Variants in CNKSR1 observed in about 807,000 individuals in gnomAD.
The protein encoded by CNKSR1 is connector enhancer of kinase suppressor of Ras 1, also known as CNK homolog protein 1.
Under a neutral mutation model 95.6 loss-of-function variants are expected in CNKSR1, and 88 were observed. The observed-to-expected ratio is 0.92, with a 90% CI of 0.78 to 1.10. The LOEUF (loss-of-function observed/expected upper bound fraction) is 1.10, where lower values mean the gene tolerates loss of function less well. Ranked by LOEUF, CNKSR1 falls within the 50% of genes least tolerant of loss-of-function variation. The pLI is 0.00. For synonymous variants in CNKSR1, 355 were observed against 369.7 expected, an observed-to-expected ratio of 0.96 and a Z score of 0.46; for missense variants, 836 against 912.0, an observed-to-expected ratio of 0.92 and a Z score of 1.07.
Position 26,180,596 on chromosome 1 carries a change from C to A in CNKSR1, c.196C>A (p.Gln66Lys). 1 of 1,614,216 alleles carries A rather than the reference C, an allele frequency of 6.2e-7. No individual in the cohort carries two copies. Among genetic ancestry groups the A allele is most frequent in the Non-Finnish European group, 8.5e-7 (1 of 1,180,042 alleles). ...GGAGCTCATCCTGGGCGGGGTGGAA[C>A]AGCTCCAGGCCCTGGTGAGTGAATG... ...HQELILGGVEQLQALSSRLQT... is the reference protein window; with the variant it reads ...HQELILGGVEKLQALSSRLQT... The change falls in exon 2 of 21, where the codon CAG (glutamine) becomes AAG (lysine). Residue 66 changes from glutamine (Q) to lysine (K), a missense_variant. Coordinates refer to ENST00000361530, the MANE Select transcript of CNKSR1 (RefSeq NM_006314.3).
Position 26,184,569 on chromosome 1 carries a change from T to G in CNKSR1, c.1108-16T>G, listed in dbSNP as rs1220445543. The G allele has an allele frequency of 6.2e-7, 1 of 1,608,112 alleles. No individual in the cohort carries two copies. The highest frequency in any genetic ancestry group is 2.2e-5 in the East Asian group (1 of 44,760). ...TGGACCTAGATCCTTCTCTCACCCT[T>G]CTGCTGTCCTTTCAGAGTCCTGTTG... On this transcript the variant is annotated splice_polypyrimidine_tract_variant and intron_variant, in intron 12 of 20. Coordinates refer to ENST00000361530, the MANE Select transcript of CNKSR1 (RefSeq NM_006314.3).
At chr1:26,182,221 G>T in intron 4 of CNKSR1, 140 bp from the exon 5 acceptor site, 1 of 875,572 alleles carries the variant, frequency 1.1e-6, no homozygotes, top group East Asian at 2.5e-5. Context: ...AAAACGCTGA[G>T]GCCCTGTGGT....
chr1:26,189,376 T>C lies in CNKSR1; in HGVS notation c.1970T>C (p.Leu657Pro), dbSNP rs780898829. The change falls in exon 21 of 21, where the codon CTG (leucine) becomes CCG (proline). Residue 657 changes from leucine to proline, a missense_variant. Leu to Pro is a moderately conservative substitution (Grantham distance 98). Transcript: ENST00000361530. Reference sequence around the variant, plus strand: ...CAGTGGAAGGAGCAGAACCGGGAGCTGTACTCAGAGGGCCTGGGGGCCTGG... The same window carrying C: ...CAGTGGAAGGAGCAGAACCGGGAGCCGTACTCAGAGGGCCTGGGGGCCTGG... ...FRQWKEQNRE[L>P]YSEGLGAWGV... 1.2e-6 allele frequency: 2 copies of C among 1,613,858 alleles called. No individual in the cohort carries two copies. The highest frequency in any genetic ancestry group is 2.2e-5 in the South Asian group (2 of 91,078).
At chr1:26,187,766 G>T (rs2124516243) in intron 16 of CNKSR1, among the ~76,000 whole-genome samples, 1 of 151,494 alleles carries the variant, frequency 6.6e-6, no homozygotes, top group African/African-American at 2.4e-5. Flanking sequence ...GAGACTACAG[G>T]TGCCTACCAC....
chr1:26,187,566 A>G, intron 16 of CNKSR1, 84 bp downstream of exon 16: 1 of 1,332,448 alleles, frequency 7.5e-7, no homozygotes, highest in South Asian at 1.2e-5. Context: ...GAGCCTGGAG[A>G]TACAAATTCC....
At position 26,188,702 on chromosome 1, in the gene CNKSR1, TG is replaced by T; in HGVS notation, c.1690+8del. The T allele has an allele frequency of 1.2e-6, 2 of 1,613,278 alleles. No homozygotes were observed. Among genetic ancestry groups the T allele is most frequent in the Non-Finnish European group, 1.7e-6 (2 of 1,179,544 alleles). ...CCTCCTTTGGCTCTCTGACAGGTGC[TG>T]GGCTGGAGTTGGGAGCTGGGCTGGG... is the stretch of plus-strand genomic sequence containing the variant. On this transcript the variant is annotated splice_donor_region_variant and intron_variant, in intron 19 of 20. Transcript: ENST00000361530.
At chr1:26,180,263 A>G in intron 1 of CNKSR1, 190 bp from the exon 2 acceptor site, 1 of 674,106 alleles carries the variant, frequency 1.5e-6, no homozygotes. Context: ...GCCACTTTTA[A>G]GAACCCATGT....
chr1:26,188,569 A>G, intron 18 of CNKSR1, 29 bp from the exon 19 acceptor site: 1 of 1,612,276 alleles, frequency 6.2e-7, no homozygotes, highest in African/African-American at 1.3e-5. Flanking sequence ...TCAGACAGAA[A>G]CCCTCTGTGC....
intron 20 of CNKSR1, 31 bp downstream of exon 20, chr1:26,188,984 G>C: frequency 6.2e-7 from 1 of 1,609,500 alleles, no homozygotes; most frequent in Non-Finnish European, 8.5e-7. Flanking sequence ...CACAGCAAGG[G>C]ACTAGGCTCT....
chr1:26,181,006 G>A (rs1471881974), intron 3 of CNKSR1, 110 bp downstream of exon 3: 54 of 1,390,228 alleles, frequency 3.9e-5, no homozygotes, highest in Middle Eastern at 1.9e-4. Context: ...TGAGCCAGGC[G>A]TGGTGGCTTA....
rs774989705 is a variant in CNKSR1 at position 26,181,950 on chromosome 1, A to C, written c.477+9A>C. On this transcript the variant is annotated intron_variant, in intron 4 of 20. Transcript: ENST00000361530. ...GCCAGGTCTTGCATGAGGTAGGAGA[A>C]CCAAGGGCCAGGCTTGGCCCATGCC... is the stretch of plus-strand genomic sequence containing the variant. 6.2e-7 allele frequency: 1 copy of C among 1,613,528 alleles called. No individual in the cohort carries two copies. The highest frequency in any genetic ancestry group is 8.5e-7 in the Non-Finnish European group (1 of 1,179,594).
rs2088631546 is a variant in CNKSR1 at position 26,180,611 on chromosome 1, G to A, written c.210+1G>A. The A allele has an allele frequency of 8.7e-6, 14 of 1,614,088 alleles. No individual in the cohort carries two copies. The highest frequency in any genetic ancestry group is 1.1e-5 in the Non-Finnish European group (13 of 1,180,034). ...CGGGGTGGAACAGCTCCAGGCCCTG[G>A]TGAGTGAATGCTGGTCACACTGGCT... is the stretch of plus-strand genomic sequence containing the variant. On this transcript the variant is annotated splice_donor_variant, in intron 2 of 20. Coordinates refer to ENST00000361530, the MANE Select transcript of CNKSR1 (RefSeq NM_006314.3). LOFTEE classifies it high-confidence loss of function.
intron 1 of CNKSR1, chr1:26,180,226 G>C (rs1303012531): frequency 1.2e-5 from 7 of 593,438 alleles, no homozygotes; most frequent in Non-Finnish European, 2.1e-5. Flanking sequence ...CAAGTTCTCC[G>C]GTGAGTCTGC....
chr1:26,186,868 G>A (rs2088760202), intron 14 of CNKSR1: 1 of 385,680 alleles, frequency 2.6e-6, no homozygotes, highest in South Asian at 2.4e-5. Context: ...CTCCCAAAGT[G>A]CTGGGATTAC....
At chr1:26,187,569 C>A in intron 16 of CNKSR1, 87 bp downstream of exon 16, 6 of 1,174,376 alleles carry the variant, frequency 5.1e-6, no homozygotes, top group Non-Finnish European at 6.3e-6. Context: ...CCTGGAGATA[C>A]AAATTCCAGC....
chr1:26,185,392 CTT>C (rs559527821), intron 14 of CNKSR1, among the ~76,000 whole-genome samples: 32 of 130,588 alleles, frequency 2.5e-4, no homozygotes, highest in Admixed American at 3.1e-4. Flanking sequence ...AGAGAAAAAT[CTT>C]TTTTTTTTTT....
chr1:26,187,044 TAGAG>T lies in CNKSR1; in HGVS notation c.1309-121_1309-118del, dbSNP rs138013022. Reference sequence around the variant, plus strand: ...GAGCTCCAGAAACAGAGAGACTTGTTAGAGAGCCCAGGAGATGCCTTCTCCTCTC... The same window carrying T: ...GAGCTCCAGAAACAGAGAGACTTGTTAGCCCAGGAGATGCCTTCTCCTCTC... On this transcript the variant is annotated intron_variant, in intron 14 of 20. Coordinates refer to ENST00000361530, the MANE Select transcript of CNKSR1 (RefSeq NM_006314.3). 5.4e-3 allele frequency: 4,072 copies of T among 758,176 alleles called. 76 individuals are homozygous for T. In the African/African-American group the frequency reaches 0.054, roughly 10 times the overall value. The allele number at this position is 758,176 out of a possible 1,614,324, so 47.0% of individuals were successfully genotyped here. A position where few individuals can be genotyped will look rare whatever the true frequency, so the allele number is the denominator to read the frequency against.
In CNKSR1 at chr1:26,182,392, T is replaced by C; in HGVS notation, c.509T>C (p.Val170Ala). 3 of 1,613,900 alleles carry C rather than the reference T, an allele frequency of 1.9e-6. No individual in the cohort carries two copies. The highest frequency in any genetic ancestry group is 2.5e-6 in the Non-Finnish European group (3 of 1,179,928). ...CCAGCGGCTGAGAAGGAGGGCACAG[T>C]CCTGAGGATCGTGAGTCTGTGGGGT... is the stretch of plus-strand genomic sequence containing the variant. ...DGPAAEKEGT[V>A]LRICSHVAGI... The change falls in exon 5 of 21, where the codon GTC (valine) becomes GCC (alanine). Residue 170 changes from valine to alanine, a missense_variant. Val to Ala is a moderately conservative substitution (Grantham distance 64). Transcript: ENST00000361530.
intron 14 of CNKSR1, among the ~76,000 whole-genome samples, chr1:26,186,192 A>G (rs2088746378): frequency 6.6e-6 from 1 of 152,246 alleles, no homozygotes. Context: ...TGGGAAGGGG[A>G]AAGAAAACCA....
Sources: gnomAD v4.1 joint callset for allele counts (sites outside exome capture counted in the v4.1 genomes callset) on GRCh38, gnomAD v4.1.1 for gene constraint, MANE v1.5 for transcripts, NCBI Gene and HGNC (gene_info 2026-07-23, HGNC 2026-07-21) for gene names.